The following KANK2 variants were observed in gnomAD, a reference collection of about 807,000 sequenced individuals.
KANK2 encodes KN motif and ankyrin repeat domain-containing protein 2.
In KANK2, 41 loss-of-function variants were observed where a neutral mutation model predicts 74.6. The observed-to-expected ratio is 0.55, with a 90% CI of 0.43 to 0.71. The LOEUF (loss-of-function observed/expected upper bound fraction) is 0.71, where lower values mean the gene tolerates loss of function less well. KANK2 is among the 30% of genes least tolerant of loss of function. The pLI, the probability that KANK2 is intolerant of heterozygous loss-of-function variation, is 0.00. For synonymous variants in KANK2, 537 were observed against 519.0 expected (o/e 1.03, Z -0.47); for missense variants, 1,148 against 1,196.4 (o/e 0.96, Z 0.60).
rs913250238 is a variant in KANK2 at position 11,193,065 on chromosome 19, C to T, written c.1015G>A (p.Val339Met). The change falls in exon 4 of 13, where the codon GTG (valine) becomes ATG (methionine). Residue 339 changes from valine to methionine, a missense_variant. Physicochemically the swap from Val to Met is conservative, Grantham distance 21. Transcript: ENST00000586659. This position sits in a 1 kb window ranked among gnomAD's most constrained non-coding sequence, Gnocchi z 9.6. ...TVRVVEGPREVEVVASTAAGA... is the reference protein window; with the variant it reads ...TVRVVEGPREMEVVASTAAGA... Reference sequence around the variant, plus strand: ...GCGGCTGTGCTGGCCACCACCTCCACCTCCCGTGGCCCTTCTACCACCCGG... The same window carrying T: ...GCGGCTGTGCTGGCCACCACCTCCATCTCCCGTGGCCCTTCTACCACCCGG... 6.2e-7 allele frequency: 1 copy of T among 1,610,428 alleles called. No individual in the cohort carries two copies. The highest frequency in any genetic ancestry group is 8.5e-7 in the Non-Finnish European group (1 of 1,178,536).
intron 4 of KANK2, among the ~76,000 whole-genome samples, chr19:11,180,526 C>T (rs2078484407): frequency 6.6e-6 from 1 of 152,094 alleles, no homozygotes; most frequent in South Asian, 2.1e-4. Flanking sequence ...CTGCATGAGA[C>T]ACTCGGTCAT....
chr19:11,185,185 C>T (rs1301147614), intron 4 of KANK2, among the ~76,000 whole-genome samples: 2 of 147,338 alleles, frequency 1.4e-5, no homozygotes, highest in Admixed American at 6.9e-5. Flanking sequence ...TTTGGGGGGC[C>T]GAGGTGGGTG....
At chr19:11,196,054 A>ACC (rs2079009483) in intron 1 of KANK2, 1 of 122,054 alleles carries the variant, frequency 8.2e-6, no homozygotes, top group African/African-American at 3.3e-5. Flanking sequence ...ACTAACATCA[A>ACC]CTCTTTTTTT....
At chr19:11,174,077 AT>A (rs2078258967) in intron 9 of KANK2, among the ~76,000 whole-genome samples, 1 of 148,968 alleles carries the variant, frequency 6.7e-6, no homozygotes, top group African/African-American at 2.5e-5. Flanking sequence ...GGGAGGCAGC[AT>A]CTCCTCCATC....
intron 4 of KANK2, among the ~76,000 whole-genome samples, chr19:11,189,734 G>A (rs780071947): frequency 2.0e-5 from 3 of 151,258 alleles, no homozygotes; most frequent in Non-Finnish European, 4.4e-5. Flanking sequence ...ACTCCAGGAA[G>A]AACTTTCAGG....
chr19:11,188,799 T>C (rs1159223524), intron 4 of KANK2, among the ~76,000 whole-genome samples: 2 of 151,680 alleles, frequency 1.3e-5, no homozygotes, highest in African/African-American at 2.4e-5. Flanking sequence ...CTGGCCAACA[T>C]AGTGAAACCC....
chr19:11,175,846 G>T, intron 8 of KANK2, 56 bp downstream of exon 8: 2 of 1,288,356 alleles, frequency 1.6e-6, no homozygotes, highest in Non-Finnish European at 1.1e-6. Flanking sequence ...GGCCACGGGT[G>T]GGGTGGAGGT....
intron 4 of KANK2, among the ~76,000 whole-genome samples, chr19:11,179,635 T>A: frequency 6.7e-6 from 1 of 149,632 alleles, no homozygotes; most frequent in Non-Finnish European, 1.5e-5. Flanking sequence ...GAGACTGTCC[T>A]GAAAATAAAA....
chr19:11,173,494 G>C (rs1288699179), intron 9 of KANK2, among the ~76,000 whole-genome samples: 1 of 152,132 alleles, frequency 6.6e-6, no homozygotes, highest in Non-Finnish European at 1.5e-5. Flanking sequence ...CCCAGTAGGA[G>C]AGGGAAGGGC....
chr19:11,175,427 CAA>C (rs753933217), intron 8 of KANK2, among the ~76,000 whole-genome samples: 335 of 14,902 alleles, frequency 0.022, no homozygotes, highest in African/African-American at 0.06. Flanking sequence ...GACTCCCTCT[CAA>C]AAAAAAAAAA....
chr19:11,182,439 T>C (rs2078548215), intron 4 of KANK2, among the ~76,000 whole-genome samples: 2 of 151,704 alleles, frequency 1.3e-5, no homozygotes, highest in African/African-American at 2.4e-5. Flanking sequence ...GATGAAAAGA[T>C]TGCTTGAGCC....
chr19:11,170,510 A>C lies in KANK2; in HGVS notation c.2212-262T>G, dbSNP rs2078145790. 1 of 550,002 alleles carries C rather than the reference A, an allele frequency of 1.8e-6. No homozygotes were observed. The highest frequency in any genetic ancestry group is 2.1e-5 in the South Asian group (1 of 46,798). The allele number at this position is 550,002 out of a possible 1,614,324, so 34.1% of individuals were successfully genotyped here. A position where few individuals can be genotyped will look rare whatever the true frequency, so the allele number is the denominator to read the frequency against. On this transcript the variant is annotated intron_variant, in intron 10 of 12. Coordinates refer to ENST00000586659, the MANE Select transcript of KANK2 (RefSeq NM_001136191.3). This position sits in a 1 kb window ranked among gnomAD's most constrained non-coding sequence, Gnocchi z 5.2. The stretch of plus-strand genomic sequence containing the variant: ...TGGATACAGGTTTCCTTTGGGGGTG[A>C]AGAGAACGTTCTGGAACTAGACGGA...
intron 8 of KANK2, among the ~76,000 whole-genome samples, 199 bp from the exon 9 acceptor site, chr19:11,174,891 A>C (rs977628403): frequency 6.6e-6 from 1 of 151,964 alleles, no homozygotes; most frequent in Admixed American, 6.5e-5. Flanking sequence ...TGGACTTTGC[A>C]ATCCCCAACA....
chr19:11,173,139 T>C lies in KANK2; in HGVS notation c.2069-16A>G. ...TTGCAGACACCTAAGAGACATGGTG[T>C]GAACCCTCAGACCAGGGATCGCTGC... is the stretch of plus-strand genomic sequence containing the variant. On this transcript the variant is annotated splice_polypyrimidine_tract_variant and intron_variant, in intron 9 of 12. Transcript: ENST00000586659. 1 of 1,605,720 alleles carries C rather than the reference T, an allele frequency of 6.2e-7. No individual in the cohort carries two copies. The highest frequency in any genetic ancestry group is 1.1e-5 in the South Asian group (1 of 90,416).
chr19:11,173,469 C>A (rs976562823), intron 9 of KANK2, among the ~76,000 whole-genome samples: 1 of 152,058 alleles, frequency 6.6e-6, no homozygotes, highest in Non-Finnish European at 1.5e-5. Context: ...TTCATCAGCC[C>A]GGGAGGCTGT....
chr19:11,177,203 G>A (rs771561166), intron 6 of KANK2, among the ~76,000 whole-genome samples: 6 of 144,830 alleles, frequency 4.1e-5, no homozygotes, highest in Non-Finnish European at 9.0e-5. Context: ...TCTTCTGCCT[G>A]AGCCTTCCAA....
rs1249116061 is a variant in KANK2 at position 11,165,158 on chromosome 19, CG to C, written c.*1399del. ...AACTGTGAGTGTCTCTGGCAAGCCC[CG>C]TTTCCCGCAGGCTCTGTTCCAGGCA... On this transcript the variant is annotated 3_prime_UTR_variant, in exon 13 of 13. Transcript: ENST00000586659. 1 of 152,088 alleles carries C rather than the reference CG, an allele frequency of 6.6e-6. No individual in the cohort carries two copies. The highest frequency in any genetic ancestry group is 1.5e-5 in the Non-Finnish European group (1 of 68,024). The allele number at this position is 152,088 out of a possible 1,614,324, so 9.4% of individuals were successfully genotyped here.
intron 12 of KANK2, among the ~76,000 whole-genome samples, chr19:11,167,896 C>T (rs888196576): frequency 2.0e-5 from 3 of 151,914 alleles, no homozygotes; most frequent in Admixed American, 6.6e-5. Context: ...TCCTGCTGCC[C>T]GGAAGACCAT....
intron 9 of KANK2, 80 bp from the exon 10 acceptor site, chr19:11,173,203 T>C (rs2078229588): frequency 1.0e-5 from 15 of 1,486,642 alleles, no homozygotes; most frequent in South Asian, 2.5e-5. Flanking sequence ...CCACGTCTCG[T>C]CCATCAGTCT....
Sources: gnomAD v4.1 joint callset for allele counts (sites outside exome capture counted in the v4.1 genomes callset) on GRCh38, gnomAD v4.1.1 for gene constraint, Gnocchi (gnomAD v3.1) non-coding constraint, MANE v1.5 for transcripts, NCBI Gene and HGNC (gene_info 2026-07-23, HGNC 2026-07-21) for gene names.